The following PVT1 variants were observed in gnomAD, a reference collection of about 807,000 sequenced individuals.
The protein encoded by PVT1 is CXCR4/PVT1 fusion.
At chr8:127,988,347 G>A (rs1816993219) in intron 3 of PVT1, among the ~76,000 whole-genome samples, 1 of 152,174 alleles carries the variant, frequency 6.6e-6, no homozygotes, top group South Asian at 2.1e-4. Flanking sequence ...AGGGAAAAGG[G>A]CACCGTACTG....
intron 3 of PVT1, among the ~76,000 whole-genome samples, chr8:127,950,217 A>G (rs934796647): frequency 6.6e-6 from 1 of 152,238 alleles, no homozygotes; most frequent in African/African-American, 2.4e-5. Flanking sequence ...CGCAGAAAGC[A>G]GCTCACCTCA....
At chr8:127,803,241 G>C (rs1363803939) in intron 2 of PVT1, 1 of 146,928 alleles carries the variant, frequency 6.8e-6, no homozygotes, top group Non-Finnish European at 1.5e-5. Context: ...CCATTCTCCT[G>C]CCTCAGCCTC....
intron 3 of PVT1, among the ~76,000 whole-genome samples, chr8:127,912,659 A>C (rs1191750086): frequency 6.6e-6 from 1 of 152,062 alleles, no homozygotes; most frequent in Non-Finnish European, 1.5e-5. Flanking sequence ...ACACATGTCC[A>C]CTGACCCCAA....
At chr8:127,809,143 T>C (rs1347241598) in intron 2 of PVT1, among the ~76,000 whole-genome samples, 1 of 151,466 alleles carries the variant, frequency 6.6e-6, no homozygotes, top group Non-Finnish European at 1.5e-5. Context: ...CAAACTGTGC[T>C]CAGGCATTTG....
chr8:127,879,824 C>T (rs1473219684), intron 2 of PVT1, among the ~76,000 whole-genome samples: 1 of 152,238 alleles, frequency 6.6e-6, no homozygotes. Context: ...CCAGCACCCA[C>T]CAGTTTAAGG....
At chr8:128,055,097 T>G (rs1358144913) in intron 4 of PVT1, among the ~76,000 whole-genome samples, 1 of 152,158 alleles carries the variant, frequency 6.6e-6, no homozygotes, top group African/African-American at 2.4e-5. Context: ...GAATTTAGAC[T>G]TAACAGTCCT....
chr8:127,966,256 C>T lies in PVT1; in HGVS notation n.783-22906C>T, dbSNP rs73707150. Among the ~76,000 whole-genome samples, 1,297 of 152,204 alleles carry T rather than the reference C, an allele frequency of 8.5e-3. 28 individuals carry two copies. The highest frequency in any genetic ancestry group is 0.029 in the African/African-American group (1,214 of 41,510). On this transcript the variant is annotated intron_variant and non_coding_transcript_variant, in intron 3 of 10. Coordinates refer to ENST00000651587, the Ensembl canonical transcript of PVT1. ...TGGGTTATGGAGTCTCATAATTGTA[C>T]CAAAAGCTGTGGAAAGAGTCAGGGA...
intron 3 of PVT1, among the ~76,000 whole-genome samples, chr8:127,960,240 TG>T (rs1816624106): frequency 6.6e-6 from 1 of 152,012 alleles, no homozygotes. Flanking sequence ...GAGGGGTACA[TG>T]GGGAAGCTGA....
intron 4 of PVT1, among the ~76,000 whole-genome samples, chr8:128,029,529 C>T (rs886992685): frequency 5.3e-5 from 8 of 151,760 alleles, no homozygotes; most frequent in African/African-American, 1.9e-4. Context: ...CGGTCGGGTG[C>T]GGTGGCTCAC....
Position 127,905,545 on chromosome 8 carries a change from C to T in PVT1, n.782+14547C>T, listed in dbSNP as rs547863646. Among the ~76,000 whole-genome samples the T allele has an allele frequency of 2.7e-4, 41 of 152,310 alleles. No homozygotes were observed. In the East Asian group the frequency reaches 6.7e-3, roughly 25 times the overall value. On this transcript the variant is annotated intron_variant and non_coding_transcript_variant, in intron 3 of 10. Coordinates refer to ENST00000651587, the Ensembl canonical transcript of PVT1. ...CCATTGGTCATTTCTGAGTTGAGCA[C>T]CTCAACTCAGGTGAATGTGTTTGTA...
At chr8:127,826,014 C>CTTTTTTTTTTTTT (rs57575268) in intron 2 of PVT1, among the ~76,000 whole-genome samples, 3 of 89,672 alleles carry the variant, frequency 3.3e-5, no homozygotes, top group Non-Finnish European at 6.1e-5. Context: ...CCATGCCCAG[C>CTTTTTTTTTTTTT]TTTTTTTTTT....
chr8:127,915,592 A>G (rs888680012), intron 3 of PVT1, among the ~76,000 whole-genome samples: 4 of 148,642 alleles, frequency 2.7e-5, no homozygotes, highest in Non-Finnish European at 5.9e-5. Context: ...AGCCTGGGCA[A>G]CAAGAGCGAA....
At chr8:128,057,065 T>G (rs1484774257) in intron 4 of PVT1, among the ~76,000 whole-genome samples, 1 of 152,182 alleles carries the variant, frequency 6.6e-6, no homozygotes, top group East Asian at 1.9e-4. Flanking sequence ...CAGGCTGAGC[T>G]GACGTCAAGT....
At chr8:128,084,589 G>A (rs1814233566) in intron 5 of PVT1, among the ~76,000 whole-genome samples, 1 of 152,146 alleles carries the variant, frequency 6.6e-6, no homozygotes, top group Admixed American at 6.5e-5. Flanking sequence ...TGTTCATCAA[G>A]GAATCCACAG....
chr8:127,874,493 C>A (rs192005626), intron 2 of PVT1, among the ~76,000 whole-genome samples: 18 of 152,244 alleles, frequency 1.2e-4, no homozygotes, highest in Non-Finnish European at 2.5e-4. Context: ...GATCTTCAAT[C>A]CCAGTTCATC....
At chr8:128,021,585 G>A (rs972901394) in intron 4 of PVT1, among the ~76,000 whole-genome samples, 4 of 152,066 alleles carry the variant, frequency 2.6e-5, no homozygotes, top group Non-Finnish European at 4.4e-5. Context: ...GAGCAACCGC[G>A]CCCGGCCTGT....
chr8:127,865,768 G>A (rs942982463), intron 2 of PVT1, among the ~76,000 whole-genome samples: 1 of 152,156 alleles, frequency 6.6e-6, no homozygotes, highest in African/African-American at 2.4e-5. Context: ...AGTTTGTTCC[G>A]GCAGCCCTAG....
intron 3 of PVT1, among the ~76,000 whole-genome samples, chr8:127,980,056 T>C (rs1816866101): frequency 1.4e-5 from 2 of 146,850 alleles, no homozygotes; most frequent in African/African-American, 4.9e-5. Flanking sequence ...ATTTTTAAAA[T>C]ATTTTTGTAG....
intron 2 of PVT1, among the ~76,000 whole-genome samples, chr8:127,815,620 G>A (rs1814651513): frequency 6.6e-6 from 1 of 152,154 alleles, no homozygotes; most frequent in Non-Finnish European, 1.5e-5. Context: ...TCTTGGGCAT[G>A]GCAGAAATTC....
Sources: gnomAD v4.1 joint callset for allele counts (sites outside exome capture counted in the v4.1 genomes callset) on GRCh38, gnomAD v4.1.1 for gene constraint, MANE v1.5 for transcripts, NCBI Gene and HGNC (gene_info 2026-07-23, HGNC 2026-07-21) for gene names.